The following DPYD variants were observed in gnomAD, a reference collection of about 807,000 sequenced individuals.
DPYD encodes dihydropyrimidine dehydrogenase [NADP(+)].
Under a neutral mutation model 116.2 loss-of-function variants are expected in DPYD, and 109 were observed. That is an observed-to-expected ratio of 0.94 (90% CI 0.80 to 1.10). DPYD has a LOEUF of 1.10. Among genes scored for constraint, DPYD ranks in the 50% least tolerant of loss-of-function variants. The probability of loss-of-function intolerance (pLI) is 0.00; values close to 1 mark genes in which losing one functional copy is unlikely to be tolerated. For missense variants in DPYD, 1,302 were observed against 1,254.5 expected (o/e 1.04, Z -0.57); for synonymous variants, 440 against 432.0 (o/e 1.02, Z -0.23).
chr1:97,116,745 G>C (rs773433020), intron 20 of DPYD, among the ~76,000 whole-genome samples: 13 of 151,984 alleles, frequency 8.6e-5, no homozygotes, highest in Non-Finnish European at 1.5e-4. Context: ...ATTTACTATG[G>C]AAATGGGTAG....
At chr1:97,086,673 T>C (rs750693177) in intron 21 of DPYD, among the ~76,000 whole-genome samples, 5 of 152,114 alleles carry the variant, frequency 3.3e-5, no homozygotes, top group South Asian at 2.1e-4. Flanking sequence ...AGATGAACCA[T>C]TGTAAGTCAC....
intron 8 of DPYD, among the ~76,000 whole-genome samples, chr1:97,639,029 C>A (rs2100812685): frequency 6.6e-6 from 1 of 152,126 alleles, no homozygotes; most frequent in South Asian, 2.1e-4. Context: ...TTTTTAGCCA[C>A]AGAACAGTCC....
chr1:97,300,391 A>T (rs1666791220), intron 18 of DPYD, among the ~76,000 whole-genome samples: 1 of 152,180 alleles, frequency 6.6e-6, no homozygotes. Flanking sequence ...GACAGATAAT[A>T]GGCATGTTTT....
intron 16 of DPYD, among the ~76,000 whole-genome samples, chr1:97,311,290 TA>T (rs1468103002): frequency 6.6e-6 from 1 of 151,704 alleles, no homozygotes; most frequent in Non-Finnish European, 1.5e-5. Context: ...CCAGAATATA[TA>T]AAGGACCACC....
chr1:97,150,474 A>T (rs1242576237), intron 20 of DPYD, among the ~76,000 whole-genome samples: 2 of 152,130 alleles, frequency 1.3e-5, no homozygotes. Flanking sequence ...TTTTCTCACT[A>T]TTACTATTAT....
intron 8 of DPYD, among the ~76,000 whole-genome samples, chr1:97,666,104 C>T (rs905502466): frequency 1.3e-5 from 2 of 152,104 alleles, no homozygotes; most frequent in Non-Finnish European, 2.9e-5. Flanking sequence ...TTAAGATATA[C>T]TTTCAGAACC....
At chr1:97,703,984 A>G (rs1661753904) in intron 5 of DPYD, among the ~76,000 whole-genome samples, 1 of 152,052 alleles carries the variant, frequency 6.6e-6, no homozygotes, top group Admixed American at 6.6e-5. Flanking sequence ...TCGGCAATAC[A>G]TGAGGGCTCA....
At chr1:97,898,160 G>C (rs1673176561) in intron 1 of DPYD, among the ~76,000 whole-genome samples, 1 of 151,700 alleles carries the variant, frequency 6.6e-6, no homozygotes, top group Non-Finnish European at 1.5e-5. Context: ...CTGGTGGGAG[G>C]AGGCATTATT....
intron 1 of DPYD, among the ~76,000 whole-genome samples, chr1:97,887,021 G>A (rs1672530388): frequency 6.6e-6 from 1 of 151,936 alleles, no homozygotes; most frequent in African/African-American, 2.4e-5. Flanking sequence ...ATCTGGGTGT[G>A]ACATTACTAC....
intron 12 of DPYD, among the ~76,000 whole-genome samples, chr1:97,527,724 A>G (rs546882510): frequency 4.0e-5 from 6 of 151,010 alleles, no homozygotes; most frequent in Non-Finnish European, 7.4e-5. Flanking sequence ...GTTGGGAAAA[A>G]GTAACTCACA....
At chr1:97,325,249 C>T (rs57058326) in intron 16 of DPYD, among the ~76,000 whole-genome samples, 33,355 of 151,706 alleles carry the variant, frequency 0.22, 3,906 homozygotes, top group Non-Finnish European at 0.27. Flanking sequence ...GTAATTAACA[C>T]CTAGAAGCAG....
chr1:97,800,472 T>TC (rs1343695619), intron 3 of DPYD, among the ~76,000 whole-genome samples: 1 of 151,920 alleles, frequency 6.6e-6, no homozygotes, highest in Non-Finnish European at 1.5e-5. Context: ...GATCGAGCTC[T>TC]CAACACTGCA....
chr1:97,427,315 TGTTATCTCAA>T (rs891113046), intron 14 of DPYD, among the ~76,000 whole-genome samples: 1 of 152,030 alleles, frequency 6.6e-6, no homozygotes, highest in Admixed American at 6.6e-5. Context: ...TTTTTCTGAT[TGTTATCTCAA>T]GAGCCAACAT....
At chr1:97,287,222 C>T (rs368885589) in intron 18 of DPYD, among the ~76,000 whole-genome samples, 5 of 152,268 alleles carry the variant, frequency 3.3e-5, no homozygotes, top group South Asian at 2.1e-4. Flanking sequence ...GTATCAGCAG[C>T]GGTGGCCGCA....
intron 20 of DPYD, among the ~76,000 whole-genome samples, chr1:97,140,754 A>C (rs1426075876): frequency 6.6e-6 from 1 of 152,132 alleles, no homozygotes; most frequent in African/African-American, 2.4e-5. Flanking sequence ...GAGAGCCACA[A>C]GTTTCCTGGC....
intron 8 of DPYD, among the ~76,000 whole-genome samples, chr1:97,612,343 G>A (rs1458740420): frequency 2.6e-5 from 4 of 151,830 alleles, no homozygotes; most frequent in Admixed American, 1.3e-4. Context: ...CTAATGCTGT[G>A]GCTTTTAATC....
At chr1:97,686,454 G>T (rs1213437208) in intron 7 of DPYD, among the ~76,000 whole-genome samples, 1 of 151,382 alleles carries the variant, frequency 6.6e-6, no homozygotes, top group Non-Finnish European at 1.5e-5. Flanking sequence ...GGCTAACACG[G>T]TGAAACCCCG....
At chr1:97,110,165 T>C (rs1651487548) in intron 20 of DPYD, among the ~76,000 whole-genome samples, 1 of 152,130 alleles carries the variant, frequency 6.6e-6, no homozygotes, top group Non-Finnish European at 1.5e-5. Flanking sequence ...CCTAATAAAC[T>C]ACATCCTTGG....
intron 20 of DPYD, among the ~76,000 whole-genome samples, chr1:97,136,753 C>T (rs1203941710): frequency 6.6e-6 from 1 of 152,058 alleles, no homozygotes; most frequent in Non-Finnish European, 1.5e-5. Context: ...TAAGGTGCTG[C>T]CATTAAATGA....
Sources: gnomAD v4.1 joint callset for allele counts (sites outside exome capture counted in the v4.1 genomes callset) on GRCh38, gnomAD v4.1.1 for gene constraint, MANE v1.5 for transcripts, NCBI Gene and HGNC (gene_info 2026-07-23, HGNC 2026-07-21) for gene names.